TNIK: variants seen among roughly 807,000 people sequenced by gnomAD.
TNIK encodes the protein TRAF2 and NCK-interacting protein kinase.
TNIK carries 49 observed loss-of-function variants against 191.3 expected under a neutral mutation model. The observed-to-expected ratio is 0.26, with a 90% CI of 0.20 to 0.32. The LOEUF (loss-of-function observed/expected upper bound fraction) is 0.32, where lower values mean the gene tolerates loss of function less well. Ranked by LOEUF, TNIK falls within the 10% of genes least tolerant of loss-of-function variation. The pLI is 1.00. For missense variants in TNIK, 1,155 were observed against 1,702.3 expected (o/e 0.68, Z 5.66); for synonymous variants, 594 against 600.9 (o/e 0.99, Z 0.17).
intron 2 of TNIK, among the ~76,000 whole-genome samples, chr3:171,322,108 T>C (rs983207644): frequency 6.6e-6 from 1 of 152,206 alleles, no homozygotes; most frequent in Non-Finnish European, 1.5e-5. Flanking sequence ...AAGCTATTTT[T>C]ACTCCTACAA....
intron 17 of TNIK, among the ~76,000 whole-genome samples, chr3:171,124,246 G>A (rs572185056): frequency 1.3e-5 from 2 of 152,274 alleles, no homozygotes; most frequent in East Asian, 3.9e-4. Context: ...GATCTTGAAT[G>A]TTTCTACTTT....
In TNIK at chr3:171,159,902, A is replaced by G. The variant is rs1426694808; in HGVS notation, c.1016+1368T>C. Among the ~76,000 whole-genome samples the G allele has an allele frequency of 1.3e-5, 2 of 152,228 alleles. No homozygotes were observed. The highest frequency in any genetic ancestry group is 2.9e-5 in the Non-Finnish European group (2 of 68,038). On this transcript the variant is annotated intron_variant, in intron 11 of 32. Coordinates refer to ENST00000436636, the MANE Select transcript of TNIK (RefSeq NM_015028.4). The surrounding 1 kb of genome is among the most constrained non-coding windows in gnomAD (Gnocchi z 4.1). ...ATATAATGACATGTTATAATTACGGAAGTGTTAAGGTACGGCTGGGCTGGC... is the reference window on the plus strand; with the variant it reads ...ATATAATGACATGTTATAATTACGGGAGTGTTAAGGTACGGCTGGGCTGGC...
At position 171,460,021 on chromosome 3, in the gene TNIK, G is replaced by T; in HGVS notation, c.43C>A (p.Leu15Ile). The change falls in exon 1 of 33, where the codon CTC becomes ATC. Residue 15 changes from leucine to isoleucine, a missense_variant. Leu to Ile is a conservative substitution (Grantham distance 5). This residue lies in a region of TNIK where 225 missense variants were observed against 438.9 expected (regional missense o/e 0.51). Coordinates refer to ENST00000436636, the MANE Select transcript of TNIK (RefSeq NM_015028.4). This position sits in a 1 kb window ranked among gnomAD's most constrained non-coding sequence, Gnocchi z 6.8. ...GTCCTGCTCACCCTCAGAGCCGAGA[G>T]ATCTATTTCATCCAGGCTTCGAGCC... is the stretch of plus-strand genomic sequence containing the variant. ...SPARSLDEID[L>I]SALRDPAGIF... 1 of 1,609,304 alleles carries T rather than the reference G, an allele frequency of 6.2e-7. No homozygotes were observed. The highest frequency in any genetic ancestry group is 8.5e-7 in the Non-Finnish European group (1 of 1,177,900).
At chr3:171,428,233 T>G (rs1724897034) in intron 1 of TNIK, among the ~76,000 whole-genome samples, 1 of 152,158 alleles carries the variant, frequency 6.6e-6, no homozygotes, top group Admixed American at 6.5e-5. Context: ...AGAAAGTTGA[T>G]AGTTGCATAG....
chr3:171,132,193 A>G (rs1729401112), intron 15 of TNIK, among the ~76,000 whole-genome samples: 1 of 152,248 alleles, frequency 6.6e-6, no homozygotes, highest in Admixed American at 6.5e-5. Flanking sequence ...GACCATAACA[A>G]CAAAAGATAC....
At chr3:171,423,643 C>T (rs1350420889) in intron 1 of TNIK, among the ~76,000 whole-genome samples, 3 of 152,084 alleles carry the variant, frequency 2.0e-5, no homozygotes, top group Non-Finnish European at 4.4e-5. Context: ...AGATACAGAC[C>T]AATGGAACAG....
Position 171,180,673 on chromosome 3 carries a change from A to G in TNIK, c.640-3293T>C, listed in dbSNP as rs540360047. ...ACCTAGCCAAACCTTTCACTTCACA[A>G]ATGAGGGAACATGACTTACCCAAGA... On this transcript the variant is annotated intron_variant, in intron 7 of 32. Coordinates refer to ENST00000436636, the MANE Select transcript of TNIK (RefSeq NM_015028.4). Among the ~76,000 whole-genome samples, 83 of 152,268 alleles carry G rather than the reference A, an allele frequency of 5.5e-4. 4 individuals carry two copies. The highest frequency in any genetic ancestry group is 1.9e-3 in the African/African-American group (77 of 41,556).
At chr3:171,384,743 G>C (rs949401615) in intron 1 of TNIK, among the ~76,000 whole-genome samples, 1 of 152,178 alleles carries the variant, frequency 6.6e-6, no homozygotes, top group South Asian at 2.1e-4. Context: ...AGTAAAAATA[G>C]ATTAAAATAC....
intron 1 of TNIK, among the ~76,000 whole-genome samples, chr3:171,377,821 A>G (rs1305344928): frequency 1.3e-5 from 2 of 152,254 alleles, no homozygotes; most frequent in African/African-American, 4.8e-5. Flanking sequence ...ATGGCTACAG[A>G]CATACTGCTC....
rs61791137 is a variant in TNIK at position 171,059,238 on chromosome 3, T to C, written c.*4643A>G. On this transcript the variant is annotated 3_prime_UTR_variant, in exon 33 of 33. Transcript: ENST00000436636. ...TTTTAACTGTATTTTCTACTTTTCA[T>C]CCAAACATTTGTCATCATGGACTCA... Among the ~76,000 whole-genome samples the C allele has an allele frequency of 0.084, 12,764 of 152,280 alleles. 570 individuals carry two copies. Among genetic ancestry groups the C allele is most frequent in the Middle Eastern group, 0.12 (34 of 292 alleles).
intron 28 of TNIK, among the ~76,000 whole-genome samples, chr3:171,078,740 G>GT (rs1720308361): frequency 1.3e-5 from 2 of 152,096 alleles, no homozygotes. Flanking sequence ...CACTTCAAAT[G>GT]TTAGTACCTG....
intron 2 of TNIK, among the ~76,000 whole-genome samples, chr3:171,343,551 C>A (rs533927812): frequency 6.6e-6 from 1 of 152,282 alleles, no homozygotes; most frequent in South Asian, 2.1e-4. Context: ...ACTGCCACAG[C>A]ACCTGCTTGC....
At chr3:171,188,606 G>A (rs1577071832) in intron 7 of TNIK, 96 bp downstream of exon 7, 3 of 1,447,760 alleles carry the variant, frequency 2.1e-6, no homozygotes, top group Non-Finnish European at 1.9e-6. Context: ...TCTCCCTTTG[G>A]GTGACATAAA....
chr3:171,382,188 G>A (rs1276895470), intron 1 of TNIK, among the ~76,000 whole-genome samples: 1 of 150,356 alleles, frequency 6.7e-6, no homozygotes, highest in Non-Finnish European at 1.5e-5. Context: ...CTTTGGTAGA[G>A]GTGGCAGTCT....
chr3:171,446,984 G>A (rs1159771125), intron 1 of TNIK, among the ~76,000 whole-genome samples: 1 of 151,996 alleles, frequency 6.6e-6, no homozygotes, highest in African/African-American at 2.4e-5. Flanking sequence ...TGAGGTCAGG[G>A]GTTTGAGACC....
intron 18 of TNIK, among the ~76,000 whole-genome samples, chr3:171,113,346 C>T (rs1726152904): frequency 1.3e-5 from 2 of 152,134 alleles, no homozygotes; most frequent in Non-Finnish European, 2.9e-5. Flanking sequence ...TGGCTCACGC[C>T]TGTAATCCCA....
At chr3:171,203,940 T>G (rs1739736411) in intron 4 of TNIK, among the ~76,000 whole-genome samples, 1 of 152,366 alleles carries the variant, frequency 6.6e-6, no homozygotes, top group African/African-American at 2.4e-5. Flanking sequence ...AGAAGATGAT[T>G]ACAAATTTAT....
chr3:171,091,491 C>T (rs926138015), intron 23 of TNIK, among the ~76,000 whole-genome samples: 6 of 152,106 alleles, frequency 3.9e-5, no homozygotes, highest in Non-Finnish European at 7.4e-5. Flanking sequence ...GCCTGTAATC[C>T]TAGCGTTTTG....
intron 3 of TNIK, among the ~76,000 whole-genome samples, chr3:171,218,293 A>G (rs1289717810): frequency 6.6e-6 from 1 of 152,130 alleles, no homozygotes; most frequent in Non-Finnish European, 1.5e-5. Flanking sequence ...CTAAAGGGGT[A>G]GATAACAAAA....
Sources: allele counts gnomAD v4.1 joint callset (sites outside exome capture counted in the v4.1 genomes callset), GRCh38; gene constraint gnomAD v4.1.1; regional missense constraint gnomAD v4.1.1; non-coding constraint Gnocchi (gnomAD v3.1); transcripts MANE v1.5; gene names NCBI Gene and HGNC (gene_info 2026-07-23, HGNC 2026-07-21).